PLD5: variants seen among roughly 807,000 people sequenced by gnomAD.
PLD5 encodes inactive phospholipase D5.
In PLD5, 36 loss-of-function variants were observed where a neutral mutation model predicts 61.1. The observed-to-expected ratio is 0.59, with a 90% CI of 0.45 to 0.78. The LOEUF (loss-of-function observed/expected upper bound fraction) is 0.78, where lower values mean the gene tolerates loss of function less well. Among genes scored for constraint, PLD5 ranks in the 30% least tolerant of loss-of-function variants. The pLI is 0.00. For synonymous variants in PLD5, 243 were observed against 242.8 expected (o/e 1.00, Z -0.01); for missense variants, 515 against 644.4 (o/e 0.80, Z 2.17).
chr1:242,188,516 G>A (rs948594241), intron 5 of PLD5: 2 of 152,204 alleles, frequency 1.3e-5, no homozygotes, highest in Non-Finnish European at 2.9e-5. Context: ...CGAAAGGAAA[G>A]AGAAGACTGT....
chr1:242,163,535 C>G (rs316848), intron 5 of PLD5, among the ~76,000 whole-genome samples: 127,924 of 152,198 alleles, frequency 0.84, 54,267 homozygotes, highest in African/African-American at 0.95. Context: ...AAGAGAGGGA[C>G]GGAAGGAAAG....
intron 1 of PLD5, among the ~76,000 whole-genome samples, chr1:242,378,013 T>C (rs1436470721): frequency 6.6e-6 from 1 of 152,174 alleles, no homozygotes; most frequent in African/African-American, 2.4e-5. Context: ...ATTCCACTTT[T>C]AGGTATACAT....
At chr1:242,302,806 T>C (rs1676137765) in intron 2 of PLD5, among the ~76,000 whole-genome samples, 1 of 152,212 alleles carries the variant, frequency 6.6e-6, no homozygotes, top group Non-Finnish European at 1.5e-5. Context: ...AATGTACATG[T>C]AAGCTTCTGT....
At chr1:242,222,775 A>G (rs1360712425) in intron 4 of PLD5, among the ~76,000 whole-genome samples, 1 of 152,194 alleles carries the variant, frequency 6.6e-6, no homozygotes, top group Admixed American at 6.5e-5. Flanking sequence ...TTTAGCTTAG[A>G]AAGTTTGACT....
intron 2 of PLD5, among the ~76,000 whole-genome samples, chr1:242,328,263 T>TAC (rs199974648): frequency 1.3e-5 from 2 of 151,966 alleles, no homozygotes; most frequent in African/African-American, 2.4e-5. Flanking sequence ...TATATATATA[T>TAC]ACACACACAT....
Position 242,495,616 on chromosome 1 carries a change from C to T in PLD5, c.189+28472G>A, listed in dbSNP as rs370449006. 4.6e-5 allele frequency among the ~76,000 whole-genome samples: 7 copies of T among 151,980 alleles called. No individual in the cohort carries two copies. The East Asian group carries it at 7.8e-4, about 17-fold the overall frequency. On this transcript the variant is annotated intron_variant, in intron 1 of 9. Coordinates refer to ENST00000536534, the MANE Select transcript of PLD5 (RefSeq NM_001372062.1). ...TTAGTGTTCAAGGAAAATTGGTGAA[C>T]AAATAAGTGGGTGAAGAATAAAAAT...
chr1:242,227,396 G>C (rs1005798613), intron 4 of PLD5, among the ~76,000 whole-genome samples: 1 of 151,940 alleles, frequency 6.6e-6, no homozygotes, highest in Non-Finnish European at 1.5e-5. Flanking sequence ...AGAGTGTCTC[G>C]CTCTGTCACC....
In PLD5 at chr1:242,413,346, A is replaced by T. The variant is rs73132332; in HGVS notation, c.190-65104T>A. 6.3e-3 allele frequency among the ~76,000 whole-genome samples: 948 copies of T among 150,674 alleles called. 8 individuals carry two copies. Among genetic ancestry groups the T allele is most frequent in the African/African-American group, 0.022 (901 of 40,904 alleles). On this transcript the variant is annotated intron_variant, in intron 1 of 9. Transcript: ENST00000536534. ...TCTACCCAGCAACTTGTATTTCTTG[A>T]GGTCCTATTACATATGATAGACTAT...
At chr1:242,527,686 G>A (rs556560648), upstream of PLD5, among the ~76,000 whole-genome samples, 5 of 152,176 alleles carry the variant, frequency 3.3e-5, no homozygotes, top group South Asian at 2.1e-4. Context: ...CAAGTTAATC[G>A]TTTATGCCAG....
chr1:242,253,949 C>A (rs114033147), intron 4 of PLD5, among the ~76,000 whole-genome samples: 1 of 152,132 alleles, frequency 6.6e-6, no homozygotes, highest in Non-Finnish European at 1.5e-5. Context: ...AGAACAGAGA[C>A]GGAAAACACA....
At chr1:242,231,112 A>G (rs1009578218) in intron 4 of PLD5, among the ~76,000 whole-genome samples, 2 of 152,252 alleles carry the variant, frequency 1.3e-5, no homozygotes, top group African/African-American at 2.4e-5. Context: ...TTCTACACTT[A>G]AAACGGATCA....
intron 1 of PLD5, chr1:242,377,111 C>A: frequency 6.2e-7 from 1 of 1,611,736 alleles, no homozygotes; most frequent in Non-Finnish European, 8.5e-7. Context: ...CTTCCCCAGC[C>A]CCATTTTGCT....
chr1:242,085,650 A>G lies in PLD5; in HGVS notation c.*4204T>C, dbSNP rs1399170530. ...CTTTAAAAGGTGTATAATAAAGCAC[A>G]CCAGTTCATTGGGAACAAGTACAGA... is the stretch of plus-strand genomic sequence containing the variant. On this transcript the variant is annotated 3_prime_UTR_variant, in exon 10 of 10. Coordinates refer to ENST00000536534, the MANE Select transcript of PLD5 (RefSeq NM_001372062.1). 2 of 152,252 alleles carry G rather than the reference A, an allele frequency of 1.3e-5. No homozygotes were observed. The highest frequency in any genetic ancestry group is 2.9e-5 in the Non-Finnish European group (2 of 68,050). 9.4% of individuals were successfully genotyped at this position (152,252 alleles called of 1,614,324 possible).
intron 1 of PLD5, among the ~76,000 whole-genome samples, chr1:242,467,410 T>G (rs1037392430): frequency 6.6e-6 from 1 of 152,148 alleles, no homozygotes; most frequent in African/African-American, 2.4e-5. Flanking sequence ...CTGCTTAAAT[T>G]TCTCAACATT....
chr1:242,094,730 G>A (rs1234605452), intron 9 of PLD5, among the ~76,000 whole-genome samples: 1 of 152,024 alleles, frequency 6.6e-6, no homozygotes, highest in Non-Finnish European at 1.5e-5. Context: ...TGGATAGATC[G>A]GAGACAGTGT....
At chr1:242,102,560 C>A (rs1444788637) in intron 8 of PLD5, among the ~76,000 whole-genome samples, 2 of 152,194 alleles carry the variant, frequency 1.3e-5, no homozygotes, top group Admixed American at 6.5e-5. Flanking sequence ...TGGAGATAAG[C>A]CCACATCAGG....
intron 2 of PLD5, among the ~76,000 whole-genome samples, chr1:242,290,855 T>C (rs1435304306): frequency 6.6e-6 from 1 of 151,840 alleles, no homozygotes; most frequent in African/African-American, 2.4e-5. Context: ...TTCCTGCCCT[T>C]CTCCAAATCA....
chr1:242,190,381 C>T (rs1160614054), intron 5 of PLD5, among the ~76,000 whole-genome samples: 2 of 151,768 alleles, frequency 1.3e-5, no homozygotes, highest in South Asian at 2.1e-4. Context: ...CTCCTGACCG[C>T]GTGATCCGCC....
intron 1 of PLD5, among the ~76,000 whole-genome samples, chr1:242,450,993 C>T (rs1039473667): frequency 3.3e-5 from 5 of 152,202 alleles, no homozygotes; most frequent in Non-Finnish European, 7.3e-5. Flanking sequence ...CGTGGATTCT[C>T]AGTTCATCAT....
Sources: allele counts gnomAD v4.1 joint callset (sites outside exome capture counted in the v4.1 genomes callset), GRCh38; gene constraint gnomAD v4.1.1; transcripts MANE v1.5; gene names NCBI Gene and HGNC (gene_info 2026-07-23, HGNC 2026-07-21).